Variants in GRM7 observed in about 807,000 individuals in gnomAD.
GRM7 encodes the protein glutamate metabotropic receptor 7, also known as metabotropic glutamate receptor 7.
A neutral mutation model predicts 84.5 loss-of-function variants in GRM7; 35 were observed. The ratio of observed to expected loss-of-function variants is 0.41; its 90% CI spans 0.32 to 0.55. The LOEUF is 0.55. Among genes scored for constraint, GRM7 ranks in the 20% least tolerant of loss-of-function variants. The probability of loss-of-function intolerance (pLI) is 0.19; values close to 1 mark genes in which losing one functional copy is unlikely to be tolerated. For missense variants in GRM7, 1,003 were observed against 1,194.6 expected (o/e 0.84, Z 2.36); for synonymous variants, 487 against 455.1 (o/e 1.07, Z -0.89).
intron 8 of GRM7, among the ~76,000 whole-genome samples, chr3:7,676,246 G>A (rs965447140): frequency 1.3e-5 from 2 of 152,152 alleles, no homozygotes; most frequent in African/African-American, 4.8e-5. Context: ...ACTTCAGTGT[G>A]AGCCTCCTAC....
At chr3:7,619,043 G>C (rs1478314800) in intron 8 of GRM7, among the ~76,000 whole-genome samples, 1 of 152,142 alleles carries the variant, frequency 6.6e-6, no homozygotes, top group East Asian at 1.9e-4. Context: ...CATCATGCTA[G>C]AGAGGACAAG....
At chr3:6,929,133 TCA>T (rs1271077231) in intron 1 of GRM7, among the ~76,000 whole-genome samples, 2 of 152,176 alleles carry the variant, frequency 1.3e-5, no homozygotes, top group Admixed American at 6.5e-5. Context: ...CAGTAAAAAA[TCA>T]CAGTCAAAGC....
At chr3:6,907,543 G>C (rs1516568) in intron 1 of GRM7, among the ~76,000 whole-genome samples, 5 of 151,968 alleles carry the variant, frequency 3.3e-5, no homozygotes, top group Non-Finnish European at 7.4e-5. Flanking sequence ...CACATTTTTC[G>C]TATCAGGAAC....
At chr3:7,455,959 C>T (rs1314658959) in intron 6 of GRM7, among the ~76,000 whole-genome samples, 1 of 151,988 alleles carries the variant, frequency 6.6e-6, no homozygotes, top group Non-Finnish European at 1.5e-5. Context: ...TGAAGAGGCA[C>T]CACATTCAAT....
intron 9 of GRM7, among the ~76,000 whole-genome samples, chr3:7,735,126 G>A (rs1424167973): frequency 2.6e-5 from 4 of 152,132 alleles, no homozygotes; most frequent in Non-Finnish European, 5.9e-5. Flanking sequence ...ATAGTTATAA[G>A]TAAACAACAA....
intron 8 of GRM7, among the ~76,000 whole-genome samples, chr3:7,649,117 T>C (rs1357997733): frequency 6.6e-6 from 1 of 152,030 alleles, no homozygotes; most frequent in African/African-American, 2.4e-5. Flanking sequence ...TTGCCCAGGC[T>C]GGAGTGCAGT....
At chr3:7,693,890 C>G (rs1700912142) in intron 9 of GRM7, among the ~76,000 whole-genome samples, 3 of 152,104 alleles carry the variant, frequency 2.0e-5, no homozygotes, top group African/African-American at 7.2e-5. Flanking sequence ...AGATCATGGC[C>G]CACTAGAATA....
chr3:7,372,346 C>T (rs1307449391), intron 4 of GRM7, among the ~76,000 whole-genome samples: 1 of 152,104 alleles, frequency 6.6e-6, no homozygotes, highest in African/African-American at 2.4e-5. Flanking sequence ...ATTTTGTGTC[C>T]TCAGTTGTGT....
intron 6 of GRM7, among the ~76,000 whole-genome samples, chr3:7,456,090 CCA>C (rs1697997759): frequency 1.3e-5 from 2 of 151,718 alleles, no homozygotes; most frequent in South Asian, 4.2e-4. Flanking sequence ...ACCAATTTTC[CCA>C]GAGTCAAACA....
At chr3:7,663,423 A>G (rs906729152) in intron 8 of GRM7, among the ~76,000 whole-genome samples, 10 of 152,182 alleles carry the variant, frequency 6.6e-5, no homozygotes, top group African/African-American at 1.9e-4. Flanking sequence ...GGCAATTCCC[A>G]AAGAGAGCTG....
chr3:7,179,599 C>A (rs188675851), intron 2 of GRM7, among the ~76,000 whole-genome samples: 1 of 152,314 alleles, frequency 6.6e-6, no homozygotes, highest in East Asian at 1.9e-4. Context: ...CTGGCTTATA[C>A]TGGAGAGACT....
chr3:6,970,226 G>T (rs1472626900), intron 1 of GRM7, among the ~76,000 whole-genome samples: 1 of 58,932 alleles, frequency 1.7e-5, no homozygotes, highest in Non-Finnish European at 3.5e-5. Context: ...TTTCCCTTCC[G>T]ATCTACAGGT....
intron 1 of GRM7, among the ~76,000 whole-genome samples, chr3:7,097,632 C>T (rs188534041): frequency 7.9e-5 from 12 of 152,156 alleles, no homozygotes; most frequent in Non-Finnish European, 1.6e-4. Flanking sequence ...CTAAATGTGA[C>T]TAATAAATAG....
At chr3:7,474,275 G>A (rs1323147802) in intron 7 of GRM7, among the ~76,000 whole-genome samples, 13 of 152,030 alleles carry the variant, frequency 8.6e-5, no homozygotes, top group African/African-American at 3.1e-4. Flanking sequence ...GTCCTAAGTA[G>A]GGGCTTTAGT....
chr3:6,902,739 A>G (rs938879672), intron 1 of GRM7, among the ~76,000 whole-genome samples: 2 of 152,064 alleles, frequency 1.3e-5, no homozygotes, highest in East Asian at 3.8e-4. Context: ...AGCAGTGTCT[A>G]CTTGTTTATT....
At chr3:7,298,916 C>A in intron 3 of GRM7, 91 bp downstream of exon 3, 2 of 1,165,858 alleles carry the variant, frequency 1.7e-6, no homozygotes, top group Non-Finnish European at 2.5e-6. Context: ...GAAAAGATAG[C>A]ATAAGATCAA....
chr3:7,245,458 C>T (rs140862734), intron 2 of GRM7, among the ~76,000 whole-genome samples: 5 of 151,816 alleles, frequency 3.3e-5, no homozygotes. Context: ...CAATGCTGGA[C>T]CTCATATGAG....
rs1695534105 is a variant in GRM7 at position 6,882,064 on chromosome 3, C to G, written c.519+20157C>G. ...CAGTTGATTACTGTTTTCCTTCATC[C>G]TCTACCTCTCATCCACCTTAGTATC... is the stretch of plus-strand genomic sequence containing the variant. On this transcript the variant is annotated intron_variant, in intron 1 of 9. Coordinates refer to ENST00000357716, the MANE Select transcript of GRM7 (RefSeq NM_000844.4). Among the ~76,000 whole-genome samples, 3 of 151,998 alleles carry G rather than the reference C, an allele frequency of 2.0e-5. No homozygotes were observed. The South Asian group carries it at 6.2e-4, about 32-fold the overall frequency.
chr3:7,467,481 A>C (rs959122250), intron 7 of GRM7, among the ~76,000 whole-genome samples: 2 of 152,142 alleles, frequency 1.3e-5, no homozygotes, highest in African/African-American at 4.8e-5. Context: ...CTGTAGCCAT[A>C]GTGATAGGGA....
Sources: allele counts gnomAD v4.1 joint callset (sites outside exome capture counted in the v4.1 genomes callset), GRCh38; gene constraint gnomAD v4.1.1; transcripts MANE v1.5; gene names NCBI Gene and HGNC (gene_info 2026-07-23, HGNC 2026-07-21).